Variants in SRGAP3 observed in about 807,000 individuals in gnomAD.
SRGAP3 encodes the protein SLIT-ROBO Rho GTPase-activating protein 3.
A neutral mutation model predicts 121.1 loss-of-function variants in SRGAP3; 39 were observed. The observed-to-expected ratio is 0.32, with a 90% CI of 0.25 to 0.42. SRGAP3 has a LOEUF of 0.42. Among genes scored for constraint, SRGAP3 ranks in the 10% least tolerant of loss-of-function variants. The pLI is 1.00. For synonymous variants in SRGAP3, 601 were observed against 570.0 expected, an observed-to-expected ratio of 1.05 and a Z score of -0.77; for missense variants, 1,213 against 1,470.6, an observed-to-expected ratio of 0.82 and a Z score of 2.86.
chr3:9,096,937 G>GTGTGTA (rs1186683940), intron 3 of SRGAP3, among the ~76,000 whole-genome samples: 2 of 61,298 alleles, frequency 3.3e-5, no homozygotes, highest in African/African-American at 9.4e-5. Flanking sequence ...ACATTATTTT[G>GTGTGTA]TATATATATA....
intron 1 of SRGAP3, among the ~76,000 whole-genome samples, chr3:9,234,637 A>C (rs1953339389): frequency 1.3e-5 from 2 of 152,120 alleles, no homozygotes; most frequent in Admixed American, 1.3e-4. Context: ...CTATTTGACA[A>C]ATGGTTGGAA....
chr3:9,003,540 A>G (rs919327592), intron 18 of SRGAP3, among the ~76,000 whole-genome samples: 4 of 152,208 alleles, frequency 2.6e-5, no homozygotes, highest in South Asian at 2.1e-4. Flanking sequence ...AGTAGCATAA[A>G]AAGAACTATC....
Position 9,060,551 on chromosome 3 carries a change from G to C in SRGAP3, c.673-192C>G, listed in dbSNP as rs905868793. On this transcript the variant is annotated intron_variant, in intron 5 of 21. Coordinates refer to ENST00000383836, the MANE Select transcript of SRGAP3 (RefSeq NM_014850.4). ...AGCAATCCTCCCACCTCAGCCTCCC[G>C]AGTAGCTGGGACTATAGATGCATGC... Among the ~76,000 whole-genome samples, 19 of 148,634 alleles carry C rather than the reference G, an allele frequency of 1.3e-4. No individual in the cohort carries two copies. In the East Asian group the frequency reaches 2.8e-3, roughly 22 times the overall value.
intron 1 of SRGAP3, among the ~76,000 whole-genome samples, chr3:9,212,623 G>A (rs1293506600): frequency 6.6e-6 from 1 of 152,184 alleles, no homozygotes; most frequent in Non-Finnish European, 1.5e-5. Context: ...GCTAAGGCAG[G>A]AGAATCACTT....
intron 1 of SRGAP3, among the ~76,000 whole-genome samples, chr3:9,203,824 C>T (rs920886662): frequency 8.5e-5 from 13 of 152,198 alleles, no homozygotes; most frequent in Non-Finnish European, 1.5e-4. Context: ...CCCTTTACAA[C>T]GTGCAAATGG....
intron 1 of SRGAP3, among the ~76,000 whole-genome samples, chr3:9,214,118 A>ACACACACACACACACACACACACATG (rs1491244760): frequency 1.2e-4 from 16 of 128,954 alleles, no homozygotes; most frequent in South Asian, 2.4e-4. Context: ...CCCACCTCCA[A>ACACACACACACACACACACACACATG]CACACACACA....
Position 9,058,356 on chromosome 3 carries a change from C to T in SRGAP3, c.918G>A (p.Val306=). 6.2e-7 allele frequency: 1 copy of T among 1,614,230 alleles called. No individual in the cohort carries two copies. The highest frequency in any genetic ancestry group is 8.5e-7 in the Non-Finnish European group (1 of 1,180,036). ...HEGLDVIENA[V]DNLDSRSDKH... is the part of the protein sequence containing the mutation. ...TGTCACTTCGGGAATCCAGGTTGTC[C>T]ACTGCATTCTCAATGACATCCAGCC... Residue 306 remains valine, a synonymous_variant, in exon 7 of 22, where the codon GTG becomes GTA. Coordinates refer to ENST00000383836, the MANE Select transcript of SRGAP3 (RefSeq NM_014850.4).
intron 3 of SRGAP3, among the ~76,000 whole-genome samples, chr3:9,269,869 A>G (rs1382916925): frequency 6.6e-6 from 1 of 152,078 alleles, no homozygotes; most frequent in Non-Finnish European, 1.5e-5. Context: ...TGTGGCAAGG[A>G]AGGAAGAAAG....
intron 17 of SRGAP3, among the ~76,000 whole-genome samples, chr3:9,010,851 T>A (rs1430304593): frequency 2.4e-4 from 36 of 152,120 alleles, no homozygotes; most frequent in Admixed American, 2.4e-3. Context: ...GGCTGCCCTG[T>A]CTTTCTGCAT....
chr3:9,190,170 G>A (rs1574840081), intron 1 of SRGAP3, among the ~76,000 whole-genome samples: 1 of 152,280 alleles, frequency 6.6e-6, no homozygotes, highest in East Asian at 1.9e-4. Flanking sequence ...CACAATCGGT[G>A]GAAGATTCTG....
intron 3 of SRGAP3, among the ~76,000 whole-genome samples, chr3:9,307,282 G>A (rs1383038180): frequency 6.6e-6 from 1 of 152,100 alleles, no homozygotes; most frequent in Non-Finnish European, 1.5e-5. Flanking sequence ...CCCCCAGTTA[G>A]GATCTGTCAC....
At chr3:9,026,044 C>A (rs1944182470) in intron 13 of SRGAP3, among the ~76,000 whole-genome samples, 1 of 152,218 alleles carries the variant, frequency 6.6e-6, no homozygotes, top group Non-Finnish European at 1.5e-5. Flanking sequence ...CTGATCCCAT[C>A]TTCCTGGCTC....
At chr3:9,272,442 ACTTT>A (rs1263725576) in intron 3 of SRGAP3, among the ~76,000 whole-genome samples, 1 of 152,034 alleles carries the variant, frequency 6.6e-6, no homozygotes, top group Non-Finnish European at 1.5e-5. Flanking sequence ...CCTCCATTCT[ACTTT>A]CTGTTTCCAT....
intron 18 of SRGAP3, among the ~76,000 whole-genome samples, chr3:9,001,650 A>T (rs1374496894): frequency 6.6e-6 from 1 of 152,170 alleles, no homozygotes; most frequent in African/African-American, 2.4e-5. Flanking sequence ...AACAGACTGG[A>T]TAAAATAAAA....
intron 1 of SRGAP3, among the ~76,000 whole-genome samples, chr3:9,138,513 A>G (rs1031770206): frequency 6.6e-6 from 1 of 152,202 alleles, no homozygotes; most frequent in East Asian, 1.9e-4. Flanking sequence ...GAAGGGTTGA[A>G]GGAGGACTAA....
chr3:9,151,459 G>A (rs1950207623), intron 1 of SRGAP3, among the ~76,000 whole-genome samples: 1 of 152,356 alleles, frequency 6.6e-6, no homozygotes, highest in Non-Finnish European at 1.5e-5. Flanking sequence ...AGACAATGAT[G>A]AGTCAGAGGA....
chr3:9,075,196 C>T lies in SRGAP3; in HGVS notation c.486+4829G>A. Among the ~76,000 whole-genome samples the T allele has an allele frequency of 1.3e-5, 2 of 152,050 alleles. 1 individual carries two copies. The highest frequency in any genetic ancestry group is 3.9e-4 in the East Asian group (2 of 5,192). On this transcript the variant is annotated intron_variant, in intron 4 of 21. Coordinates refer to ENST00000383836, the MANE Select transcript of SRGAP3 (RefSeq NM_014850.4). ...CTTTACCTCTGCCCTTTTTTTCTCC[C>T]AGGCCAATACATGAACAAGAACTAT...
At chr3:9,100,231 T>C (rs422535) in intron 3 of SRGAP3, among the ~76,000 whole-genome samples, 43,240 of 152,122 alleles carry the variant, frequency 0.28, 6,794 homozygotes, top group South Asian at 0.37. Context: ...TCCATCACCA[T>C]AAACTCTACC....
At chr3:9,058,623 C>T (rs1402041865) in intron 6 of SRGAP3, 151 bp from the exon 7 acceptor site, 1 of 752,652 alleles carries the variant, frequency 1.3e-6, no homozygotes, top group Non-Finnish European at 2.2e-6. Context: ...TCCTACTGCA[C>T]AAACCTCACG....
Sources: allele counts gnomAD v4.1 joint callset (sites outside exome capture counted in the v4.1 genomes callset), GRCh38; gene constraint gnomAD v4.1.1; transcripts MANE v1.5; gene names NCBI Gene and HGNC (gene_info 2026-07-23, HGNC 2026-07-21).